Variants in RBFOX1 observed in about 807,000 individuals in gnomAD.
RBFOX1 encodes the protein RNA binding fox-1 homolog 1.
A neutral mutation model predicts 57.7 loss-of-function variants in RBFOX1; 8 were observed. The ratio of observed to expected loss-of-function variants is 0.14; its 90% CI spans 0.08 to 0.25. The LOEUF (loss-of-function observed/expected upper bound fraction) is 0.25, where lower values mean the gene tolerates loss of function less well. Ranked by LOEUF, RBFOX1 falls within the 10% of genes least tolerant of loss-of-function variation. The pLI is 1.00. For missense variants in RBFOX1, 611 were observed against 548.5 expected (o/e 1.11, Z -1.14); for synonymous variants, 326 against 222.4 (o/e 1.47, Z -4.15).
At chr16:5,344,807 G>A (rs998775462) in intron 1 of RBFOX1, among the ~76,000 whole-genome samples, 5 of 152,152 alleles carry the variant, frequency 3.3e-5, no homozygotes, top group Admixed American at 2.0e-4. Flanking sequence ...TGAACAGCAC[G>A]TGCTTTGAGA....
intron 4 of RBFOX1, among the ~76,000 whole-genome samples, chr16:7,176,090 G>A (rs1044722983): frequency 2.6e-5 from 4 of 151,702 alleles, no homozygotes; most frequent in Non-Finnish European, 4.4e-5. Context: ...CCGCTGGTGT[G>A]GTTAGGAGCA....
intron 1 of RBFOX1, among the ~76,000 whole-genome samples, chr16:5,455,023 C>CTTTCTTTCTTTCTTTCTTTCTT (rs1216518795): frequency 1.8e-5 from 2 of 111,766 alleles, no homozygotes; most frequent in Non-Finnish European, 1.9e-5. Flanking sequence ...TTCTTTCTTT[C>CTTTCTTTCTTTCTTTCTTTCTT]TCTCTCTCTG....
At chr16:5,646,017 G>GT (rs941476506) in intron 3 of RBFOX1, among the ~76,000 whole-genome samples, 24 of 148,260 alleles carry the variant, frequency 1.6e-4, no homozygotes, top group South Asian at 2.2e-4. Context: ...TTTGTCCTCT[G>GT]TTTTTTTTTT....
intron 1 of RBFOX1, among the ~76,000 whole-genome samples, chr16:6,310,274 G>C (rs1848564453): frequency 2.0e-5 from 3 of 152,156 alleles, no homozygotes; most frequent in Admixed American, 6.5e-5. Flanking sequence ...GAGCCTCACT[G>C]GTTCCTTATT....
chr16:5,980,560 A>T lies in RBFOX1; in HGVS notation c.351+113225A>T, dbSNP rs141369976. Among the ~76,000 whole-genome samples the T allele has an allele frequency of 3.2e-3, 493 of 152,306 alleles. 3 individuals carry two copies. The highest frequency in any genetic ancestry group is 0.012 in the African/African-American group (479 of 41,568). ...TCCTCCGCATTCTCAGAAGTTAAGT[A>T]GAGAAAATTGGACTTCTTGAGTATT... On this transcript the variant is annotated intron_variant, in intron 4 of 19. Coordinates refer to the RBFOX1 transcript ENST00000641259.
chr16:7,354,129 C>A (rs2097174274), intron 4 of RBFOX1, among the ~76,000 whole-genome samples: 2 of 151,962 alleles, frequency 1.3e-5, no homozygotes, highest in Admixed American at 1.3e-4. Context: ...TGCCACCACG[C>A]CCAGCTAATT....
intron 4 of RBFOX1, among the ~76,000 whole-genome samples, chr16:7,315,752 C>A (rs920882857): frequency 1.3e-5 from 2 of 151,996 alleles, no homozygotes; most frequent in African/African-American, 4.8e-5. Context: ...ATGCACTTTA[C>A]ATTTATATTG....
At chr16:7,552,553 C>G (rs1235310578) in intron 5 of RBFOX1, among the ~76,000 whole-genome samples, 2 of 152,274 alleles carry the variant, frequency 1.3e-5, no homozygotes, top group African/African-American at 4.8e-5. Flanking sequence ...TGAACTGAAC[C>G]TCAACTCAAT....
chr16:5,819,092 C>G (rs1308209610), intron 3 of RBFOX1, among the ~76,000 whole-genome samples: 6 of 152,152 alleles, frequency 3.9e-5, no homozygotes, highest in African/African-American at 1.2e-4. Flanking sequence ...GTTTGAGCCA[C>G]TATAACAAAA....
At chr16:5,700,621 T>C (rs112128307) in intron 3 of RBFOX1, among the ~76,000 whole-genome samples, 15 of 152,350 alleles carry the variant, frequency 9.8e-5, no homozygotes, top group African/African-American at 3.6e-4. Context: ...ACAATGTGTT[T>C]TCAACTCTGG....
intron 3 of RBFOX1, among the ~76,000 whole-genome samples, chr16:5,845,651 C>G (rs570610757): frequency 5.9e-5 from 9 of 152,156 alleles, no homozygotes; most frequent in African/African-American, 2.2e-4. Context: ...AAGCCACTGC[C>G]AAATGTGGTT....
chr16:6,384,926 A>G (rs1482752559), intron 2 of RBFOX1, among the ~76,000 whole-genome samples: 4 of 152,144 alleles, frequency 2.6e-5, no homozygotes, highest in Non-Finnish European at 5.9e-5. Context: ...CTCTCTTAAG[A>G]AACTTACACC....
intron 3 of RBFOX1, among the ~76,000 whole-genome samples, chr16:6,879,497 G>C (rs1567686666): frequency 6.6e-6 from 1 of 151,866 alleles, no homozygotes; most frequent in South Asian, 2.1e-4. Flanking sequence ...GACCTTAATT[G>C]CAATTTACAA....
chr16:7,401,877 A>C (rs181068635), intron 4 of RBFOX1, among the ~76,000 whole-genome samples: 1 of 152,288 alleles, frequency 6.6e-6, no homozygotes, highest in African/African-American at 2.4e-5. Flanking sequence ...GTCCTTTAAA[A>C]ATGGCTCTGG....
chr16:7,234,788 A>C (rs566464479), intron 4 of RBFOX1, among the ~76,000 whole-genome samples: 1 of 151,816 alleles, frequency 6.6e-6, no homozygotes, highest in Admixed American at 6.6e-5. Flanking sequence ...ACTACATTCA[A>C]ACTCATTTTC....
intron 1 of RBFOX1, among the ~76,000 whole-genome samples, chr16:6,053,028 A>G (rs1286759390): frequency 6.6e-6 from 1 of 152,036 alleles, no homozygotes. Flanking sequence ...CATCTCAGTA[A>G]TTTTACCTGG....
At chr16:7,280,387 G>C (rs117943920) in intron 4 of RBFOX1, among the ~76,000 whole-genome samples, 4,541 of 152,286 alleles carry the variant, frequency 0.03, 110 homozygotes, top group East Asian at 0.13. Context: ...GGTTAAGAAA[G>C]ACATGCACAG....
chr16:5,346,677 A>G (rs1389628223), intron 1 of RBFOX1, among the ~76,000 whole-genome samples: 2 of 152,064 alleles, frequency 1.3e-5, no homozygotes, highest in African/African-American at 4.8e-5. Flanking sequence ...GTGGGAGTGG[A>G]GTGAGATGAA....
chr16:7,112,263 T>G (rs1488635046), intron 4 of RBFOX1, among the ~76,000 whole-genome samples: 1 of 152,078 alleles, frequency 6.6e-6, no homozygotes, highest in East Asian at 1.9e-4. Context: ...AGTGCAGTGG[T>G]GCAATCTCGG....
Sources: gnomAD v4.1 joint callset for allele counts (sites outside exome capture counted in the v4.1 genomes callset) on GRCh38, gnomAD v4.1.1 for gene constraint, MANE v1.5 for transcripts, NCBI Gene and HGNC (gene_info 2026-07-23, HGNC 2026-07-21) for gene names.